Variants in COPG1 observed in about 807,000 individuals in gnomAD.
COPG1 encodes the protein coat protein complex I subunit gamma 1.
COPG1 carries 29 observed loss-of-function variants against 102.8 expected under a neutral mutation model. That is an observed-to-expected ratio of 0.28 (90% CI 0.21 to 0.38). COPG1 has a LOEUF of 0.38. Ranked by LOEUF, COPG1 falls within the 10% of genes least tolerant of loss-of-function variation. The pLI is 1.00. For missense variants in COPG1, 875 were observed against 1,132.7 expected, an observed-to-expected ratio of 0.77 and a Z score of 3.27; for synonymous variants, 406 against 421.6, an observed-to-expected ratio of 0.96 and a Z score of 0.45.
chr3:129,258,755 C>T (rs563690880), intron 10 of COPG1, among the ~76,000 whole-genome samples: 6 of 152,196 alleles, frequency 3.9e-5, no homozygotes, highest in South Asian at 2.1e-4. Context: ...TGCGCCCAGC[C>T]GTTGTTTGCT....
chr3:129,267,118 G>A lies in COPG1; in HGVS notation c.1544+19G>A. ...TGAAGAGGTGAGTCTAGGCCCAGGG[G>A]CCCTAATGGGGACAGTGTTCCCTTG... On this transcript the variant is annotated intron_variant, in intron 15 of 23. Coordinates refer to ENST00000314797, the MANE Select transcript of COPG1 (RefSeq NM_016128.4). 6.3e-7 allele frequency: 1 copy of A among 1,597,558 alleles called. No individual in the cohort carries two copies.
At chr3:129,272,705 C>T in intron 20 of COPG1, 102 bp from the exon 21 acceptor site, 2 of 702,264 alleles carry the variant, frequency 2.8e-6, no homozygotes, top group Non-Finnish European at 5.0e-6. Context: ...TAGCAGGGGC[C>T]TAGAAAGCAG....
At chr3:129,269,871 G>T (rs917144607) in intron 18 of COPG1, among the ~76,000 whole-genome samples, 6 of 151,538 alleles carry the variant, frequency 4.0e-5, no homozygotes, top group African/African-American at 7.3e-5. Flanking sequence ...AGTCCAAAGT[G>T]GGTTTCATTT....
chr3:129,254,783 A>T (rs112007954), intron 6 of COPG1, 40 bp downstream of exon 6: 17 of 1,541,842 alleles, frequency 1.1e-5, no homozygotes, highest in Non-Finnish European at 1.4e-5. Flanking sequence ...TGGCCTCTTG[A>T]TTGAGGCCTC....
chr3:129,260,479 A>G, intron 11 of COPG1, 79 bp downstream of exon 11: 2 of 1,525,406 alleles, frequency 1.3e-6, no homozygotes, highest in East Asian at 2.3e-5. Context: ...CTGGCTGGGA[A>G]GGATAATAGC....
intron 16 of COPG1, 23 bp from the exon 17 acceptor site, chr3:129,268,472 T>C: frequency 1.2e-6 from 2 of 1,612,180 alleles, no homozygotes; most frequent in East Asian, 2.2e-5. Flanking sequence ...CTGCCAGGCA[T>C]GGTGACCTCT....
chr3:129,274,812 C>T (rs1454078939), intron 21 of COPG1, 26 bp from the exon 22 acceptor site: 1 of 1,593,570 alleles, frequency 6.3e-7, no homozygotes. Flanking sequence ...TAGATGGGTG[C>T]CTGATTTCTA....
At position 129,252,361 on chromosome 3, in the gene COPG1, G is replaced by A; in HGVS notation, c.171G>A (p.Gln57=). 6.2e-7 allele frequency: 1 copy of A among 1,604,900 alleles called. No homozygotes were observed. ...CCAAGATTCTTTATCTCATAAACCA[G>A]GTAACAGGGTGAAGCTTGCGGGTAG... The part of the protein sequence containing the change: ...ILTKILYLIN[Q]GEHLGTTEAT... The change falls in exon 3 of 24, where the codon CAG becomes CAA. Residue 57 remains glutamine (Q), a splice_region_variant and synonymous_variant. Coordinates refer to ENST00000314797, the MANE Select transcript of COPG1 (RefSeq NM_016128.4).
At position 129,275,572 on chromosome 3, in the gene COPG1, C is replaced by CT. The variant is rs1252232201; in HGVS notation, c.2494+287dup. On this transcript the variant is annotated intron_variant, in intron 23 of 23. Transcript: ENST00000314797. The surrounding 1 kb of genome is among the most constrained non-coding windows in gnomAD (Gnocchi z 5.0). Reference sequence around the variant, plus strand: ...ATAAAAGCTAATAGGAACGCATTTCCTTTTTTTAACTCAAATGTTTATGTA... The same window carrying CT: ...ATAAAAGCTAATAGGAACGCATTTCCTTTTTTTTAACTCAAATGTTTATGTA... 3.3e-5 allele frequency among the ~76,000 whole-genome samples: 5 copies of CT among 152,206 alleles called. No homozygotes were observed. The highest frequency in any genetic ancestry group is 7.4e-5 in the Non-Finnish European group (5 of 68,024).
At position 129,271,779 on chromosome 3, in the gene COPG1, C is replaced by T. The variant is rs758465512; in HGVS notation, c.1856C>T (p.Ala619Val). ...RQEIFQEQLA[A>V]VPEFRGLGPL... is the part of the protein sequence containing the mutation. The stretch of plus-strand genomic sequence containing the variant: ...CTGTGGATTTCAGAGCAGTTGGCAG[C>T]AGTGCCAGAGTTCCGCGGTCTTGGG... The change falls in exon 19 of 24, where the codon GCA becomes GTA. Residue 619 changes from alanine to valine, a missense_variant. Transcript: ENST00000314797. The surrounding 1 kb of genome is among the most constrained non-coding windows in gnomAD (Gnocchi z 4.7). The T allele has an allele frequency of 1.2e-5, 20 of 1,614,022 alleles. No homozygotes were observed. The Admixed American group carries it at 3.2e-4, about 26-fold the overall frequency.
At chr3:129,260,179 G>A (rs1310396322) in intron 10 of COPG1, 154 bp from the exon 11 acceptor site, 17 of 689,420 alleles carry the variant, frequency 2.5e-5, no homozygotes, top group East Asian at 7.6e-5. Context: ...GCTCAGGTGC[G>A]CAGGGTGAGG....
Position 129,257,532 on chromosome 3 carries a change from G to A in COPG1, c.642G>A (p.Met214Ile), listed in dbSNP as rs768520281. 34 of 1,614,100 alleles carry A rather than the reference G, an allele frequency of 2.1e-5. 1 individual carries two copies. The highest frequency in any genetic ancestry group is 2.7e-5 in the Non-Finnish European group (32 of 1,180,054). ...RKNDRLAVNKMISKVTRHGLK... is the reference protein window; with the variant it reads ...RKNDRLAVNKIISKVTRHGLK... ...ATGACCGCCTAGCCGTCAATAAGAT[G>A]ATCAGCAAGGTCACACGGCATGGCC... The change falls in exon 9 of 24, where the codon ATG becomes ATA. Residue 214 changes from methionine to isoleucine, a missense_variant. Met to Ile is a conservative substitution (Grantham distance 10). Coordinates refer to ENST00000314797, the MANE Select transcript of COPG1 (RefSeq NM_016128.4).
intron 12 of COPG1, among the ~76,000 whole-genome samples, chr3:129,261,414 G>C (rs1939922933): frequency 1.3e-5 from 2 of 152,206 alleles, no homozygotes; most frequent in Non-Finnish European, 2.9e-5. Flanking sequence ...TGTGGGGCCA[G>C]TGCAGGTGAC....
intron 3 of COPG1, 64 bp downstream of exon 3, chr3:129,252,425 T>A: frequency 1.6e-6 from 2 of 1,224,500 alleles, no homozygotes; most frequent in East Asian, 4.6e-5. Context: ...AGTGGACAAA[T>A]CATGATCACT....
chr3:129,265,216 C>T (rs1228990360), intron 13 of COPG1, among the ~76,000 whole-genome samples: 1 of 152,068 alleles, frequency 6.6e-6, no homozygotes, highest in Non-Finnish European at 1.5e-5. Context: ...CTCAGACCCC[C>T]AAGCAGCTGG....
chr3:129,257,336 A>G, intron 8 of COPG1, 134 bp from the exon 9 acceptor site: 1 of 887,154 alleles, frequency 1.1e-6, no homozygotes, highest in Non-Finnish European at 1.8e-6. Context: ...GGCAGTTGTC[A>G]CAGCCACTCT....
At position 129,275,090 on chromosome 3, in the gene COPG1, A is replaced by G. The variant is rs1393940207; in HGVS notation, c.2396-104A>G. 2.0e-6 allele frequency: 3 copies of G among 1,495,232 alleles called. No individual in the cohort carries two copies. Among genetic ancestry groups the G allele is most frequent in the African/African-American group, 2.8e-5 (2 of 72,578 alleles). The allele number at this position is 1,495,232 out of a possible 1,614,324, so 92.6% of individuals were successfully genotyped here. A position where few individuals can be genotyped will look rare whatever the true frequency, so the allele number is the denominator to read the frequency against. ...ATCCAGGGCCATGTCTGGAGCACAT[A>G]TGTCAAATGCCACTTCATTAAAAGC... is the stretch of plus-strand genomic sequence containing the variant. On this transcript the variant is annotated intron_variant, in intron 22 of 23. Coordinates refer to ENST00000314797, the MANE Select transcript of COPG1 (RefSeq NM_016128.4). The surrounding 1 kb of genome is among the most constrained non-coding windows in gnomAD (Gnocchi z 5.0).
At chr3:129,272,776 A>T in intron 20 of COPG1, 31 bp from the exon 21 acceptor site, 1 of 1,479,974 alleles carries the variant, frequency 6.8e-7, no homozygotes, top group Non-Finnish European at 9.4e-7. Context: ...GGCTGGGGAC[A>T]TCCTAACTAC....
chr3:129,266,287 A>G (rs1940058608), intron 14 of COPG1, among the ~76,000 whole-genome samples: 1 of 151,800 alleles, frequency 6.6e-6, no homozygotes, highest in African/African-American at 2.4e-5. Context: ...CTTAACCCCT[A>G]TAATTTTTTA....
Sources: gnomAD v4.1 joint callset for allele counts (sites outside exome capture counted in the v4.1 genomes callset) on GRCh38, gnomAD v4.1.1 for gene constraint, Gnocchi (gnomAD v3.1) non-coding constraint, MANE v1.5 for transcripts, NCBI Gene and HGNC (gene_info 2026-07-23, HGNC 2026-07-21) for gene names.